CHRDL2: variants seen among roughly 807,000 people sequenced by gnomAD.
CHRDL2 encodes chordin like 2.
A neutral mutation model predicts 54.3 loss-of-function variants in CHRDL2; 41 were observed. That is an observed-to-expected ratio of 0.76 (90% CI 0.59 to 0.98). CHRDL2 has a LOEUF of 0.98. CHRDL2 is among the 50% of genes least tolerant of loss of function. CHRDL2 has a pLI of 0.00. For missense variants in CHRDL2, 518 were observed against 562.4 expected, an observed-to-expected ratio of 0.92 and a Z score of 0.80; for synonymous variants, 220 against 224.3, an observed-to-expected ratio of 0.98 and a Z score of 0.17.
At chr11:74,730,241 G>C (rs2135282964) in intron 1 of CHRDL2, among the ~76,000 whole-genome samples, 1 of 152,128 alleles carries the variant, frequency 6.6e-6, no homozygotes, top group Non-Finnish European at 1.5e-5. Flanking sequence ...AGGGAATAAA[G>C]CATGGGATCT....
chr11:74,729,131 T>C (rs1158934254), intron 1 of CHRDL2, among the ~76,000 whole-genome samples: 1 of 152,150 alleles, frequency 6.6e-6, no homozygotes, highest in African/African-American at 2.4e-5. Context: ...TTCTAGGACA[T>C]CTTTCCAAGA....
chr11:74,699,971 C>T (rs552321878), intron 9 of CHRDL2, among the ~76,000 whole-genome samples: 10 of 152,348 alleles, frequency 6.6e-5, no homozygotes, highest in African/African-American at 2.4e-4. Flanking sequence ...TTCTGCTGGG[C>T]CTGGTGACAA....
chr11:74,700,261 A>G (rs1265428366), intron 9 of CHRDL2, among the ~76,000 whole-genome samples: 3 of 152,358 alleles, frequency 2.0e-5, no homozygotes, highest in South Asian at 2.1e-4. Flanking sequence ...CTACACACCA[A>G]TCACAGAGCA....
chr11:74,696,726 C>A, intron 10 of CHRDL2, 141 bp from the exon 11 acceptor site: 1 of 655,718 alleles, frequency 1.5e-6, no homozygotes, highest in Non-Finnish European at 2.7e-6. Context: ...AGCCTGGAGG[C>A]GAGTGTGCCA....
intron 5 of CHRDL2, among the ~76,000 whole-genome samples, chr11:74,707,307 A>G (rs766400598): frequency 6.6e-5 from 10 of 152,216 alleles, no homozygotes; most frequent in Non-Finnish European, 1.3e-4. Context: ...CCTGATTCCT[A>G]GTCCAGTGCT....
intron 3 of CHRDL2, among the ~76,000 whole-genome samples, chr11:74,712,774 C>G (rs1591361692): frequency 6.6e-6 from 1 of 152,178 alleles, no homozygotes; most frequent in Non-Finnish European, 1.5e-5. Flanking sequence ...CTGGCTGCCC[C>G]TCACTGGACA....
intron 3 of CHRDL2, among the ~76,000 whole-genome samples, 159 bp from the exon 4 acceptor site, chr11:74,711,150 GCTAA>G (rs911302450): frequency 6.6e-6 from 1 of 152,056 alleles, no homozygotes; most frequent in African/African-American, 2.4e-5. Context: ...CCCCTTATCA[GCTAA>G]CTAAGAGGTC....
chr11:74,704,944 G>A (rs1415158932), intron 6 of CHRDL2, among the ~76,000 whole-genome samples: 1 of 152,230 alleles, frequency 6.6e-6, no homozygotes, highest in African/African-American at 2.4e-5. Flanking sequence ...GGTGGGCAGA[G>A]GGTGCTGAGG....
At chr11:74,714,982 C>T (rs1046072386) in intron 2 of CHRDL2, among the ~76,000 whole-genome samples, 4 of 152,114 alleles carry the variant, frequency 2.6e-5, no homozygotes, top group African/African-American at 4.8e-5. Context: ...AGGGCCTTTA[C>T]GTTATATAAA....
chr11:74,704,602 C>T lies in CHRDL2; in HGVS notation c.635G>A (p.Gly212Asp), dbSNP rs554292884. Residue 212 changes from glycine (G) to aspartate (D), a missense_variant, in exon 7 of 11, where the codon GGC (glycine) becomes GAC (aspartate). Transcript: ENST00000376332. ...SSDAGRKRGP[G>D]TPAPTGLSAP... Reference sequence around the variant, plus strand: ...GCTGAGGCCAGTGGGGGCTGGGGTGCCCGGGCCTCTCTTTCTCCCAGCATC... The same window carrying T: ...GCTGAGGCCAGTGGGGGCTGGGGTGTCCGGGCCTCTCTTTCTCCCAGCATC... The T allele has an allele frequency of 1.9e-6, 3 of 1,601,894 alleles. No individual in the cohort carries two copies. The highest frequency in any genetic ancestry group is 1.7e-5 in the Admixed American group (1 of 57,868).
intron 2 of CHRDL2, among the ~76,000 whole-genome samples, chr11:74,717,819 C>A (rs916613277): frequency 7.2e-5 from 11 of 152,108 alleles, no homozygotes; most frequent in African/African-American, 2.7e-4. Flanking sequence ...TCCCTCCAAG[C>A]ACCAACACCC....
chr11:74,720,363 C>T (rs2034474674), intron 1 of CHRDL2: 1 of 154,228 alleles, frequency 6.5e-6, no homozygotes, highest in Non-Finnish European at 1.5e-5. Context: ...TATGAGAAGG[C>T]TCACAGAGAC....
chr11:74,719,013 T>C (rs1230188937), intron 1 of CHRDL2, 181 bp from the exon 2 acceptor site: 1 of 586,454 alleles, frequency 1.7e-6, no homozygotes, highest in African/African-American at 1.9e-5. Flanking sequence ...AGTTTGAATC[T>C]CGGCTTTACC....
chr11:74,710,173 G>A (rs1049417212), intron 4 of CHRDL2, among the ~76,000 whole-genome samples: 4 of 148,220 alleles, frequency 2.7e-5, no homozygotes, highest in African/African-American at 1.0e-4. Context: ...CCGAGATCAC[G>A]CCACTACACT....
rs542811092 is a variant in CHRDL2 at position 74,701,934 on chromosome 11, A to G, written c.1120+860T>C. On this transcript the variant is annotated intron_variant, in intron 9 of 10. Coordinates refer to ENST00000376332, the MANE Select transcript of CHRDL2 (RefSeq NM_001278473.3). The stretch of plus-strand genomic sequence containing the variant: ...CTTATGTTTTACAAGAAAGGCCACG[A>G]AACTGAACTTTCAGCAATTTCCTTA... 5.4e-4 allele frequency among the ~76,000 whole-genome samples: 82 copies of G among 152,300 alleles called. No homozygotes were observed. The Middle Eastern group carries it at 0.017, about 32-fold the overall frequency.
At chr11:74,728,531 G>GTTGTTGTTA (rs2034605192) in intron 1 of CHRDL2, among the ~76,000 whole-genome samples, 1 of 65,724 alleles carries the variant, frequency 1.5e-5, no homozygotes, top group Non-Finnish European at 2.7e-5. Flanking sequence ...TCTGTTTTTT[G>GTTGTTGTTA]TTGTTGTTGT....
chr11:74,703,242 G>C, intron 8 of CHRDL2, 63 bp downstream of exon 8: 1 of 1,512,830 alleles, frequency 6.6e-7, no homozygotes, highest in Non-Finnish European at 8.9e-7. Flanking sequence ...CTGTGGCCCT[G>C]GGGAGAGAGA....
At chr11:74,718,956 G>A (rs1447090048) in intron 1 of CHRDL2, 124 bp from the exon 2 acceptor site, 2 of 639,822 alleles carry the variant, frequency 3.1e-6, no homozygotes, top group Non-Finnish European at 5.5e-6. Context: ...AAGAGAATCT[G>A]CTAGACAACT....
chr11:74,697,382 G>A (rs1451540961), intron 9 of CHRDL2, 85 bp from the exon 10 acceptor site: 16 of 924,878 alleles, frequency 1.7e-5, no homozygotes, highest in African/African-American at 4.8e-5. Context: ...AGCACAGAAC[G>A]GACCCAATCA....
Sources: allele counts gnomAD v4.1 joint callset (sites outside exome capture counted in the v4.1 genomes callset), GRCh38; gene constraint gnomAD v4.1.1; transcripts MANE v1.5; gene names NCBI Gene and HGNC (gene_info 2026-07-23, HGNC 2026-07-21).